Variants in SMARCAL1 observed in about 807,000 individuals in gnomAD.
The protein encoded by SMARCAL1 is ATP-driven annealing helicase.
A neutral mutation model predicts 94.5 loss-of-function variants in SMARCAL1; 58 were observed. The observed-to-expected ratio is 0.61, with a 90% confidence interval of 0.50 to 0.76. The LOEUF is 0.76. Among genes scored for constraint, SMARCAL1 ranks in the 30% least tolerant of loss-of-function variants. The probability of loss-of-function intolerance (pLI) is 0.00; values close to 1 mark genes in which losing one functional copy is unlikely to be tolerated. For missense variants in SMARCAL1, 1,051 were observed against 1,177.9 expected, an observed-to-expected ratio of 0.89 and a Z score of 1.58; for synonymous variants, 422 against 455.1, an observed-to-expected ratio of 0.93 and a Z score of 0.93.
rs187156499 is a variant in SMARCAL1, at chr2:216,468,927, G to A, written c.2244+881G>A. On this transcript the variant is annotated intron_variant, in intron 14 of 17. Transcript: ENST00000357276. ...GGGGTTTCACCATGTTGCCCAGGCT[G>A]GTCTTGAACTCCTGGCCTCAAGTGA... Among the ~76,000 whole-genome samples the A allele has an allele frequency of 3.9e-5, 6 of 152,220 alleles. No homozygotes were observed. In the East Asian group the frequency reaches 1.2e-3, roughly 29 times the overall value.
rs2106015300 is a variant in SMARCAL1, at chr2:216,415,467, A to G, written c.763A>G (p.Asn255Asp). 2 of 1,614,180 alleles carry G rather than the reference A, an allele frequency of 1.2e-6. No homozygotes were observed. The highest frequency in any genetic ancestry group is 4.5e-5 in the East Asian group (2 of 44,890). The change falls in exon 3 of 18, where the codon AAT (asparagine) becomes GAT (aspartate). Residue 255 changes from asparagine (N) to aspartate (D), a missense_variant. Physicochemically the swap from Asn to Asp is conservative, Grantham distance 23. Transcript: ENST00000357276. ...TCGTTTCCAGGTGTTGATTGGGTAC[A>G]ATGCGGAACTCATTGCAGTGTTTAA... ...GDRFQVLIGY[N>D]AELIAVFKTL...
At chr2:216,416,657 G>T (rs1228815960) in intron 4 of SMARCAL1, among the ~76,000 whole-genome samples, 1 of 152,198 alleles carries the variant, frequency 6.6e-6, no homozygotes, top group African/African-American at 2.4e-5. Context: ...CCAATAAGTT[G>T]TACAACTGGG....
intron 12 of SMARCAL1, among the ~76,000 whole-genome samples, chr2:216,452,929 T>A (rs1442914042): frequency 6.6e-6 from 1 of 152,196 alleles, no homozygotes; most frequent in Non-Finnish European, 1.5e-5. Context: ...TTTAGGAATG[T>A]TGGGTGTTTT....
chr2:216,445,611 TC>T (rs3836029), intron 10 of SMARCAL1, among the ~76,000 whole-genome samples: 71,931 of 151,996 alleles, frequency 0.47, 19,895 homozygotes, highest in African/African-American at 0.78. Context: ...CTTTTCATTT[TC>T]CCCTTTTTCA....
intron 10 of SMARCAL1, among the ~76,000 whole-genome samples, chr2:216,442,941 C>G (rs2106045480): frequency 6.6e-6 from 1 of 152,196 alleles, no homozygotes; most frequent in East Asian, 1.9e-4. Context: ...TGTTTTCTTC[C>G]CTAGTGTGAT....
chr2:216,470,838 CAAAAAAAAAAAAAAA>C (rs55763206), intron 14 of SMARCAL1, among the ~76,000 whole-genome samples: 4 of 48,070 alleles, frequency 8.3e-5, no homozygotes, highest in African/African-American at 2.1e-4. Flanking sequence ...AAGAACATCT[CAAAAAAAAAAAAAAA>C]AAAAAAAAAA....
intron 10 of SMARCAL1, 45 bp downstream of exon 10, chr2:216,438,530 TA>T: frequency 6.4e-7 from 1 of 1,557,358 alleles, no homozygotes; most frequent in Non-Finnish European, 8.8e-7. Context: ...TGGCATCCCA[TA>T]ATATTTTGCT....
intron 7 of SMARCAL1, among the ~76,000 whole-genome samples, chr2:216,430,263 G>C (rs1693934906): frequency 6.6e-6 from 1 of 152,100 alleles, no homozygotes; most frequent in Non-Finnish European, 1.5e-5. Context: ...TTGGCATTGG[G>C]GGAGGAGGGC....
rs754790488 is a variant in SMARCAL1, at chr2:216,415,413, C to A, written c.709C>A (p.Gln237Lys). The change falls in exon 3 of 18, where the codon CAG (glutamine) becomes AAG (lysine). Residue 237 changes from glutamine (Q) to lysine (K), a missense_variant. This residue lies in a region of SMARCAL1 where 398 missense variants were observed against 395.2 expected (regional missense o/e 1.01). Coordinates refer to ENST00000357276, the MANE Select transcript of SMARCAL1 (RefSeq NM_014140.4). ...GSSVQKGVNS[Q>K]KGKCVRNGDR... ...CTCAGTCCAAAAAGGAGTGAACTCT[C>A]AGAAGGGAAAGTGCGTAAGGAACGG... 28 of 1,614,078 alleles carry A rather than the reference C, an allele frequency of 1.7e-5. No homozygotes were observed. Among genetic ancestry groups the A allele is most frequent in the Non-Finnish European group, 2.3e-5 (27 of 1,180,046 alleles).
intron 13 of SMARCAL1, among the ~76,000 whole-genome samples, chr2:216,467,167 G>T (rs369436043): frequency 7.2e-5 from 11 of 152,170 alleles, no homozygotes; most frequent in Admixed American, 3.3e-4. Context: ...AAGGCCAAGC[G>T]AAAGATAAGA....
At chr2:216,462,702 C>G (rs1694730385) in intron 12 of SMARCAL1, among the ~76,000 whole-genome samples, 1 of 152,098 alleles carries the variant, frequency 6.6e-6, no homozygotes, top group Non-Finnish European at 1.5e-5. Context: ...AGCTAAGAAG[C>G]TGGCCAGATG....
chr2:216,463,707 G>A (rs1384760589), intron 12 of SMARCAL1, among the ~76,000 whole-genome samples: 4 of 152,172 alleles, frequency 2.6e-5, no homozygotes, highest in African/African-American at 9.7e-5. Flanking sequence ...ATTACCTTAT[G>A]TGGGAGGTAT....
intron 3 of SMARCAL1, 179 bp from the exon 4 acceptor site, chr2:216,416,078 A>G (rs878900882): frequency 3.3e-6 from 2 of 612,876 alleles, no homozygotes; most frequent in South Asian, 3.3e-5. Context: ...ACTACATGGA[A>G]TAAAAGAATT....
chr2:216,474,319 TA>T (rs540720141), intron 14 of SMARCAL1, among the ~76,000 whole-genome samples: 1 of 149,564 alleles, frequency 6.7e-6, no homozygotes, highest in South Asian at 2.1e-4. Context: ...TTTGTATTTT[TA>T]GTAGAGGCGG....
At position 216,423,661 on chromosome 2, in the gene SMARCAL1, C is replaced by G. The variant is rs746815850; in HGVS notation, c.1125C>G (p.Leu375=). The G allele has an allele frequency of 6.2e-7, 1 of 1,613,976 alleles. No homozygotes were observed. Among genetic ancestry groups the G allele is most frequent in the Non-Finnish European group, 8.5e-7 (1 of 1,179,854 alleles). ...YDVKTRKWSF[L]LEEHSKLIAK... ...TCAAGACCAGGAAGTGGAGCTTTCT[C>G]TTGGAAGAGCACAGTAAACTAAGTG... The change falls in exon 6 of 18, where the codon CTC becomes CTG. Residue 375 remains leucine, a synonymous_variant. Coordinates refer to ENST00000357276, the MANE Select transcript of SMARCAL1 (RefSeq NM_014140.4).
chr2:216,417,690 G>A (rs752639857), intron 4 of SMARCAL1, among the ~76,000 whole-genome samples: 4 of 152,192 alleles, frequency 2.6e-5, no homozygotes, highest in African/African-American at 7.2e-5. Context: ...TGCTAGCTCC[G>A]TCTAGTGAGG....
chr2:216,449,339 C>G (rs978600202), intron 11 of SMARCAL1, among the ~76,000 whole-genome samples: 1 of 152,042 alleles, frequency 6.6e-6, no homozygotes, highest in Non-Finnish European at 1.5e-5. Context: ...TTGTTCTCAG[C>G]ATGGTTTTTA....
At position 216,423,696 on chromosome 2, in the gene SMARCAL1, C is replaced by T; in HGVS notation, c.1147+13C>T. On this transcript the variant is annotated intron_variant, in intron 6 of 17. Coordinates refer to ENST00000357276, the MANE Select transcript of SMARCAL1 (RefSeq NM_014140.4). Reference sequence around the variant, plus strand: ...CACAGTAAACTAAGTGAGAAGCCTTCCTTACTTGTTTTATATCATGCTATT... The same window carrying T: ...CACAGTAAACTAAGTGAGAAGCCTTTCTTACTTGTTTTATATCATGCTATT... The T allele has an allele frequency of 6.2e-7, 1 of 1,605,200 alleles. No individual in the cohort carries two copies. Among genetic ancestry groups the T allele is most frequent in the Non-Finnish European group, 8.5e-7 (1 of 1,171,986 alleles).
chr2:216,425,145 C>G (rs540336392), intron 6 of SMARCAL1, among the ~76,000 whole-genome samples: 1 of 152,344 alleles, frequency 6.6e-6, no homozygotes, highest in Admixed American at 6.5e-5. Context: ...TCGGCTCACG[C>G]TACCAGTCCA....
Sources: gnomAD v4.1 joint callset for allele counts (sites outside exome capture counted in the v4.1 genomes callset) on GRCh38, gnomAD v4.1.1 for gene constraint, gnomAD v4.1.1 regional missense constraint, MANE v1.5 for transcripts, NCBI Gene and HGNC (gene_info 2026-07-23, HGNC 2026-07-21) for gene names.